DST: variants seen among roughly 807,000 people sequenced by gnomAD.
DST encodes bullous pemphigoid antigen.
Under a neutral mutation model 875.2 loss-of-function variants are expected in DST, and 253 were observed. The ratio of observed to expected loss-of-function variants is 0.29; its 90% CI spans 0.26 to 0.32. The LOEUF is 0.32. Ranked by LOEUF, DST falls within the 10% of genes least tolerant of loss-of-function variation. The pLI is 1.00. For missense variants in DST, 8,287 were observed against 9,111.6 expected (o/e 0.91, Z 3.68); for synonymous variants, 3,124 against 3,197.1 (o/e 0.98, Z 0.77).
intron 4 of DST, among the ~76,000 whole-genome samples, chr6:56,840,523 A>C (rs1012713200): frequency 1.3e-5 from 2 of 152,196 alleles, no homozygotes; most frequent in African/African-American, 4.8e-5. Context: ...ATATTTTACA[A>C]GTAACAGGAC....
intron 5 of DST, among the ~76,000 whole-genome samples, chr6:56,731,358 G>A (rs145416491): frequency 7.2e-4 from 109 of 152,320 alleles, no homozygotes; most frequent in East Asian, 1.7e-3. Context: ...GACTACAGGT[G>A]TGCACCACTG....
intron 3 of DST, among the ~76,000 whole-genome samples, chr6:56,879,389 G>A (rs1198776239): frequency 1.3e-5 from 2 of 151,962 alleles, no homozygotes; most frequent in South Asian, 2.1e-4. Flanking sequence ...GAGAATGGCA[G>A]GAACCCGGGA....
In DST at chr6:56,553,054, C is replaced by T. The variant is rs777957420; in HGVS notation, c.15738G>A (p.Glu5246=). Residue 5246 remains glutamate (E), a synonymous_variant, in exon 61 of 104, where the codon GAG becomes GAA. Transcript: ENST00000680361. The part of the protein sequence containing the change: ...CEIDKEVVTD[E]NKSLIQKVDM... ...CCACCTTCTGGATCAGTGACTTATTCTCATCTGTAACAACTTCTTTATCTA... is the reference window on the plus strand; with the variant it reads ...CCACCTTCTGGATCAGTGACTTATTTTCATCTGTAACAACTTCTTTATCTA... 1 of 1,613,756 alleles carries T rather than the reference C, an allele frequency of 6.2e-7. No individual in the cohort carries two copies.
chr6:56,585,060 T>C (rs1381079657), intron 49 of DST, among the ~76,000 whole-genome samples: 1 of 152,128 alleles, frequency 6.6e-6, no homozygotes, highest in East Asian at 1.9e-4. Context: ...ATTCTCTTTT[T>C]TGGTTGTGTC....
intron 37 of DST, 141 bp downstream of exon 37, chr6:56,614,215 A>G: frequency 2.9e-6 from 2 of 685,080 alleles, no homozygotes; most frequent in East Asian, 3.2e-5. Context: ...AAGTTATTTA[A>G]TCTTTCTGAT....
intron 5 of DST, among the ~76,000 whole-genome samples, chr6:56,713,688 G>C (rs2099385675): frequency 6.6e-6 from 1 of 152,188 alleles, no homozygotes; most frequent in South Asian, 2.1e-4. Context: ...GCACTTCCCG[G>C]TGTCCCTTTC....
At chr6:56,707,913 T>C (rs2099347757) in intron 5 of DST, among the ~76,000 whole-genome samples, 1 of 152,212 alleles carries the variant, frequency 6.6e-6, no homozygotes, top group Non-Finnish European at 1.5e-5. Flanking sequence ...CTCACGCCTG[T>C]AATCCTAGCA....
intron 30 of DST, among the ~76,000 whole-genome samples, chr6:56,630,995 C>G (rs1399931547): frequency 6.6e-6 from 1 of 152,028 alleles, no homozygotes; most frequent in African/African-American, 2.4e-5. Context: ...GTTGGCCAAG[C>G]TGGTACCGAA....
At chr6:56,689,875 A>G (rs189182657) in intron 9 of DST, among the ~76,000 whole-genome samples, 112 of 152,290 alleles carry the variant, frequency 7.4e-4, no homozygotes, top group Admixed American at 1.6e-3. Flanking sequence ...TTGTGAAACT[A>G]AAGAAAAAAG....
At chr6:56,716,615 T>A (rs2099395527) in intron 5 of DST, among the ~76,000 whole-genome samples, 1 of 152,162 alleles carries the variant, frequency 6.6e-6, no homozygotes, top group Non-Finnish European at 1.5e-5. Context: ...CTCATGAAAC[T>A]GCCTTTGTGA....
chr6:56,582,665 T>C (rs750518712), intron 49 of DST, among the ~76,000 whole-genome samples: 27 of 151,904 alleles, frequency 1.8e-4, no homozygotes, highest in African/African-American at 3.4e-4. Flanking sequence ...TACATATGTA[T>C]ACATGTGCCA....
chr6:56,634,879 T>A lies in DST; in HGVS notation c.3261A>T (p.Gln1087His). 1 of 1,613,860 alleles carries A rather than the reference T, an allele frequency of 6.2e-7. No homozygotes were observed. Among genetic ancestry groups the A allele is most frequent in the East Asian group, 2.2e-5 (1 of 44,864 alleles). The part of the protein sequence containing the change: ...NLMGKAKTII[Q>H]LKPRNSDCPL... ...GACAGTCAGAATTCCTTGGCTTCAG[T>A]TGAATTATTGTTTTTGCTTTTCCCA... The change falls in exon 25 of 104, where the codon CAA (glutamine) becomes CAT (histidine). Residue 1087 changes from glutamine (Q) to histidine (H), a missense_variant. Gln to His is a conservative substitution (Grantham distance 24). Transcript: ENST00000680361.
At chr6:56,517,477 G>A (rs1268769086) in intron 70 of DST, 24 bp downstream of exon 70, 23 of 1,607,738 alleles carry the variant, frequency 1.4e-5, no homozygotes, top group Non-Finnish European at 1.9e-5. Context: ...AATTCATATG[G>A]CAATTGGAAA....
intron 50 of DST, among the ~76,000 whole-genome samples, chr6:56,575,059 G>C (rs1410755019): frequency 6.6e-6 from 1 of 152,130 alleles, no homozygotes; most frequent in Non-Finnish European, 1.5e-5. Context: ...AGAAAATCAT[G>C]CTCCTCTTAC....
At chr6:56,938,082 T>TTCTCTCTCTCTCTCTCTCTCTCTCTC (rs144019912) in intron 2 of DST, among the ~76,000 whole-genome samples, 1 of 131,688 alleles carries the variant, frequency 7.6e-6, no homozygotes, top group African/African-American at 3.3e-5. Context: ...CTCTCTCTCT[T>TTCTCTCTCTCTCTCTCTCTCTCTCTC]TCTCTCTCTC....
At chr6:56,500,410 A>C (rs961047593) in intron 80 of DST, among the ~76,000 whole-genome samples, 5 of 152,164 alleles carry the variant, frequency 3.3e-5, no homozygotes, top group Non-Finnish European at 5.9e-5. Flanking sequence ...ATTGCTTTGC[A>C]TATATCTCTT....
At chr6:56,834,995 A>G (rs1357306234) in intron 4 of DST, among the ~76,000 whole-genome samples, 1 of 152,246 alleles carries the variant, frequency 6.6e-6, no homozygotes, top group Non-Finnish European at 1.5e-5. Context: ...ACTTCCAGAC[A>G]ATGAACTTAG....
intron 2 of DST, among the ~76,000 whole-genome samples, chr6:56,940,662 C>T (rs921807282): frequency 6.6e-6 from 1 of 152,072 alleles, no homozygotes; most frequent in Non-Finnish European, 1.5e-5. Flanking sequence ...TCACTACAAC[C>T]TTGACCTCCT....
At position 56,921,148 on chromosome 6, in the gene DST, G is replaced by A. The variant is rs114713645; in HGVS notation, c.217-20527C>T. ...TTTAAATTTCTGGAACAGAAAGAGC[G>A]TTTCAAAAATATGAATTTGAATATA... is the stretch of plus-strand genomic sequence containing the variant. On this transcript the variant is annotated intron_variant, in intron 2 of 103. Coordinates refer to ENST00000680361, the MANE Select transcript of DST (RefSeq NM_001374736.1). Among the ~76,000 whole-genome samples the A allele has an allele frequency of 9.3e-3, 1,415 of 151,960 alleles. 23 individuals are homozygous for A. The highest frequency in any genetic ancestry group is 0.032 in the African/African-American group (1,319 of 41,464).
Sources: allele counts gnomAD v4.1 joint callset (sites outside exome capture counted in the v4.1 genomes callset), GRCh38; gene constraint gnomAD v4.1.1; transcripts MANE v1.5; gene names NCBI Gene and HGNC (gene_info 2026-07-23, HGNC 2026-07-21).